The following KHDRBS2 variants were observed in gnomAD, a reference collection of about 807,000 sequenced individuals.
The protein encoded by KHDRBS2 is KH domain-containing, RNA-binding, signal transduction-associated protein 2.
Under a neutral mutation model 44.3 loss-of-function variants are expected in KHDRBS2, and 26 were observed. The ratio of observed to expected loss-of-function variants is 0.59; its 90% CI spans 0.43 to 0.81. KHDRBS2 has a LOEUF of 0.81. Ranked by LOEUF, KHDRBS2 falls within the 40% of genes least tolerant of loss-of-function variation. The pLI, the probability that KHDRBS2 is intolerant of heterozygous loss-of-function variation, is 0.00. For synonymous variants in KHDRBS2, 194 were observed against 151.1 expected (o/e 1.28, Z -2.08); for missense variants, 476 against 433.1 (o/e 1.10, Z -0.88).
intron 4 of KHDRBS2, among the ~76,000 whole-genome samples, chr6:61,919,394 G>T (rs1807621445): frequency 6.6e-6 from 1 of 151,762 alleles, no homozygotes; most frequent in Non-Finnish European, 1.5e-5. Flanking sequence ...TAGCAAAATG[G>T]GCAATAAATG....
chr6:61,599,100 A>AT, the KHDRBS2 span, among the ~76,000 whole-genome samples: 1 of 151,548 alleles, frequency 6.6e-6, no homozygotes, highest in African/African-American at 2.4e-5. Flanking sequence ...CGTCCAGCTA[A>AT]TTTTTTGTAT....
intron 1 of KHDRBS2, among the ~76,000 whole-genome samples, chr6:62,184,363 G>T (rs145480807): frequency 6.6e-6 from 1 of 151,594 alleles, no homozygotes; most frequent in African/African-American, 2.4e-5. Context: ...TCAAAAAATG[G>T]GTGAAGAAAC....
intron 7 of KHDRBS2, among the ~76,000 whole-genome samples, chr6:61,718,295 T>C (rs750230783): frequency 2.0e-5 from 3 of 152,144 alleles, no homozygotes; most frequent in Non-Finnish European, 2.9e-5. Context: ...TGTAGATATG[T>C]ATATTCACTG....
chr6:61,848,556 TATATATGTATATATATATAC>T (rs1794931209), intron 6 of KHDRBS2, among the ~76,000 whole-genome samples: 1 of 34,530 alleles, frequency 2.9e-5, no homozygotes, highest in Non-Finnish European at 5.3e-5. Flanking sequence ...TATATACATA[TATATATGTATATATATATAC>T]ATATATATAT....
chr6:61,546,187 T>G, the KHDRBS2 span, among the ~76,000 whole-genome samples: 3 of 151,984 alleles, frequency 2.0e-5, no homozygotes, highest in East Asian at 5.8e-4. Context: ...TTTAAGTATA[T>G]CAATATTAAG....
chr6:62,238,507 C>T (rs1333104605), intron 1 of KHDRBS2, among the ~76,000 whole-genome samples: 1 of 152,036 alleles, frequency 6.6e-6, no homozygotes. Context: ...AAATACATAA[C>T]ATCTAAACTT....
chr6:61,978,000 A>C, intron 4 of KHDRBS2, 66 bp downstream of exon 4: 1 of 1,322,926 alleles, frequency 7.6e-7, no homozygotes, highest in Non-Finnish European at 1.0e-6. Flanking sequence ...GTCAGTGAAG[A>C]TCAAAGGTGC....
chr6:62,070,076 T>C (rs576332998), intron 2 of KHDRBS2, among the ~76,000 whole-genome samples: 1 of 151,888 alleles, frequency 6.6e-6, no homozygotes, highest in Non-Finnish European at 1.5e-5. Flanking sequence ...ATATGGTTTT[T>C]GCTCCTTATT....
At chr6:61,870,403 T>C (rs563711121) in intron 6 of KHDRBS2, among the ~76,000 whole-genome samples, 4 of 152,260 alleles carry the variant, frequency 2.6e-5, no homozygotes, top group Non-Finnish European at 5.9e-5. Context: ...CAGGGACTTA[T>C]AGATAAAACA....
intron 6 of KHDRBS2, among the ~76,000 whole-genome samples, chr6:61,796,299 T>A (rs1331688432): frequency 6.6e-6 from 1 of 152,018 alleles, no homozygotes; most frequent in African/African-American, 2.4e-5. Context: ...TCTTGGCAGA[T>A]CCTGAAGATT....
intron 4 of KHDRBS2, among the ~76,000 whole-genome samples, chr6:61,936,751 T>A (rs1811105477): frequency 6.6e-6 from 1 of 152,046 alleles, no homozygotes; most frequent in Non-Finnish European, 1.5e-5. Flanking sequence ...AATAATTATT[T>A]CCTGTCAGTG....
chr6:62,071,749 T>C (rs1356994201), intron 2 of KHDRBS2, among the ~76,000 whole-genome samples: 2 of 152,208 alleles, frequency 1.3e-5, no homozygotes, highest in African/African-American at 4.8e-5. Context: ...TGTAGCCTTG[T>C]AGTATAGTTT....
intron 6 of KHDRBS2, among the ~76,000 whole-genome samples, chr6:61,857,027 T>TA (rs1562313109): frequency 6.6e-6 from 1 of 152,082 alleles, no homozygotes; most frequent in Non-Finnish European, 1.5e-5. Flanking sequence ...GAATGGATTT[T>TA]AAAAAAAGGA....
the KHDRBS2 span, among the ~76,000 whole-genome samples, chr6:61,613,504 T>C: frequency 6.6e-6 from 1 of 152,170 alleles, no homozygotes; most frequent in African/African-American, 2.4e-5. Context: ...CTAATTATTA[T>C]AGGATGAGAA....
intron 1 of KHDRBS2, among the ~76,000 whole-genome samples, chr6:62,209,657 A>T (rs1320791475): frequency 6.6e-6 from 1 of 152,128 alleles, no homozygotes; most frequent in African/African-American, 2.4e-5. Flanking sequence ...ATTACATTTG[A>T]ATCAGTGGAC....
chr6:62,155,860 T>C (rs774425842), intron 2 of KHDRBS2, among the ~76,000 whole-genome samples: 11 of 152,234 alleles, frequency 7.2e-5, no homozygotes, highest in Non-Finnish European at 1.3e-4. Flanking sequence ...TGTTTCTGCA[T>C]AATCTTTCCA....
chr6:61,633,744 G>C, the KHDRBS2 span, among the ~76,000 whole-genome samples: 2 of 151,764 alleles, frequency 1.3e-5, no homozygotes, highest in Non-Finnish European at 2.9e-5. Context: ...ACAAACACTG[G>C]AGCCCAAGGG....
Position 62,047,878 on chromosome 6 carries a change from C to G in KHDRBS2, c.336G>C (p.Lys112Asn). The G allele has an allele frequency of 6.3e-7, 1 of 1,588,664 alleles. No individual in the cohort carries two copies. Among genetic ancestry groups the G allele is most frequent in the Non-Finnish European group, 8.6e-7 (1 of 1,157,522 alleles). Residue 112 changes from lysine to asparagine, a missense_variant and splice_region_variant, in exon 3 of 9, where the codon AAG becomes AAC. Transcript: ENST00000281156. Reference protein sequence around the residue: ...LGKGSMRDKAKEEELRKSGEA... With the variant: ...LGKGSMRDKANEEELRKSGEA... Reference sequence around the variant, plus strand: ...AAATATTAGATTCAAAGTTCAGTACCTTAGCTTTATCTCTCATTGATCCTT... The same window carrying G: ...AAATATTAGATTCAAAGTTCAGTACGTTAGCTTTATCTCTCATTGATCCTT...
chr6:62,159,368 A>G (rs1357684542), intron 2 of KHDRBS2, among the ~76,000 whole-genome samples: 1 of 152,136 alleles, frequency 6.6e-6, no homozygotes, highest in Non-Finnish European at 1.5e-5. Context: ...GATTGAGGCA[A>G]CTGTCATCAA....
Sources: allele counts gnomAD v4.1 joint callset (sites outside exome capture counted in the v4.1 genomes callset), GRCh38; gene constraint gnomAD v4.1.1; transcripts MANE v1.5; gene names NCBI Gene and HGNC (gene_info 2026-07-23, HGNC 2026-07-21).